The following RCN3 variants were observed in gnomAD, a reference collection of about 807,000 sequenced individuals.
RCN3 encodes reticulocalbin-3.
In RCN3, 41 loss-of-function variants were observed where a neutral mutation model predicts 35.9. The observed-to-expected ratio is 1.14, with a 90% CI of 0.89 to 1.48. The LOEUF (loss-of-function observed/expected upper bound fraction) is 1.48, where lower values mean the gene tolerates loss of function less well. Ranked by LOEUF, RCN3 falls within the 40% of genes most tolerant of loss-of-function variation. The pLI is 0.00. For synonymous variants in RCN3, 187 were observed against 193.4 expected (o/e 0.97, Z 0.27); for missense variants, 451 against 471.3 (o/e 0.96, Z 0.40).
intron 4 of RCN3, among the ~76,000 whole-genome samples, chr19:49,537,906 T>G (rs1360740859): frequency 6.6e-6 from 1 of 152,054 alleles, no homozygotes; most frequent in Non-Finnish European, 1.5e-5. Context: ...CCCAAAGTGC[T>G]GGGATTACAG....
chr19:49,539,718 A>ATTTTTTTTTTTTTTTTTTTTTTTT (rs58021494), intron 5 of RCN3, among the ~76,000 whole-genome samples: 6 of 119,202 alleles, frequency 5.0e-5, no homozygotes, highest in Non-Finnish European at 6.8e-5. Context: ...CTAACAAGGA[A>ATTTTTTTTTTTTTTTTTTTTTTTT]TTTTTTTTTT....
rs183147911 is a variant in RCN3, at chr19:49,532,134, C to T, written c.243-2059C>T. On this transcript the variant is annotated intron_variant, in intron 2 of 6. Coordinates refer to ENST00000270645, the MANE Select transcript of RCN3 (RefSeq NM_020650.3). Reference sequence around the variant, plus strand: ...TTTTTTTTTTTTTTTGAGACAGAGTCTCACTCTGTCATCCAGGCTGGAGTG... The same window carrying T: ...TTTTTTTTTTTTTTTGAGACAGAGTTTCACTCTGTCATCCAGGCTGGAGTG... Among the ~76,000 whole-genome samples the T allele has an allele frequency of 8.4e-3, 952 of 113,058 alleles. 15 individuals are homozygous for T. The highest frequency in any genetic ancestry group is 0.032 in the African/African-American group (897 of 28,200). The allele number at this position is 113,058 out of a possible 152,430, so 74.2% of individuals were successfully genotyped here.
intron 5 of RCN3, among the ~76,000 whole-genome samples, chr19:49,541,801 G>A (rs2080163942): frequency 6.6e-6 from 1 of 151,638 alleles, no homozygotes; most frequent in Non-Finnish European, 1.5e-5. Context: ...CCAAGATGGT[G>A]AAACCCCGCC....
At chr19:49,528,175 G>A (rs942887030) in intron 1 of RCN3, 117 bp downstream of exon 1, 12 of 366,954 alleles carry the variant, frequency 3.3e-5, no homozygotes, top group African/African-American at 2.1e-4. Flanking sequence ...CCACAACTAT[G>A]CCCTGCACCT....
chr19:49,537,969 CT>C (rs58208424), intron 4 of RCN3, among the ~76,000 whole-genome samples: 21,687 of 148,796 alleles, frequency 0.15, 2,244 homozygotes, highest in African/African-American at 0.28. Flanking sequence ...TAGAAGAAGG[CT>C]TTTTTTTTCT....
chr19:49,542,543 C>G lies in RCN3; in HGVS notation c.680-10C>G, dbSNP rs781442937. 1 of 1,573,274 alleles carries G rather than the reference C, an allele frequency of 6.4e-7. No individual in the cohort carries two copies. Among genetic ancestry groups the G allele is most frequent in the Non-Finnish European group, 8.6e-7 (1 of 1,159,408 alleles). On this transcript the variant is annotated splice_polypyrimidine_tract_variant and intron_variant, in intron 5 of 6. Coordinates refer to ENST00000270645, the MANE Select transcript of RCN3 (RefSeq NM_020650.3). ...GCCCCTGACCTTGTCCCCTCTGTCC[C>G]GGCCCCCAGCGGATCTGTACTCAGC...
chr19:49,541,919 G>T (rs2080164438), intron 5 of RCN3, among the ~76,000 whole-genome samples: 1 of 151,998 alleles, frequency 6.6e-6, no homozygotes, highest in Admixed American at 6.6e-5. Flanking sequence ...GGCAGAGGTT[G>T]CAGTGAGCTG....
rs541794197 is a variant in RCN3 at position 49,539,406 on chromosome 19, C to G, written c.679+227C>G. Among the ~76,000 whole-genome samples the G allele has an allele frequency of 2.6e-5, 4 of 152,260 alleles. No homozygotes were observed. In the South Asian group the frequency reaches 6.2e-4, roughly 24 times the overall value. ...TATTGAGCACCTGCTGTGTGTCACGCCCAGGATACACTTACTGAGCACCTA... is the reference window on the plus strand; with the variant it reads ...TATTGAGCACCTGCTGTGTGTCACGGCCAGGATACACTTACTGAGCACCTA... On this transcript the variant is annotated intron_variant, in intron 5 of 6. Transcript: ENST00000270645.
At chr19:49,530,054 C>A (rs2080100957) in intron 2 of RCN3, among the ~76,000 whole-genome samples, 1 of 151,868 alleles carries the variant, frequency 6.6e-6, no homozygotes, top group Non-Finnish European at 1.5e-5. Flanking sequence ...CGGGTTCAAC[C>A]AGTTGTTCTG....
At chr19:49,528,115 A>C in intron 1 of RCN3, 57 bp downstream of exon 1, 1 of 235,562 alleles carries the variant, frequency 4.2e-6, no homozygotes, top group Non-Finnish European at 8.1e-6. Context: ...GTCGAGGACC[A>C]GGGTCCGGAC....
intron 2 of RCN3, among the ~76,000 whole-genome samples, chr19:49,530,044 C>T (rs1287850888): frequency 2.0e-5 from 3 of 151,758 alleles, no homozygotes; most frequent in Admixed American, 6.6e-5. Flanking sequence ...CTCCGCCTCC[C>T]GGGTTCAACC....
intron 1 of RCN3, 199 bp downstream of exon 1, chr19:49,528,257 C>T: frequency 2.1e-6 from 1 of 485,888 alleles, no homozygotes; most frequent in Non-Finnish European, 3.6e-6. Context: ...GAGACTCCGT[C>T]AGAAGATTCG....
chr19:49,535,045 C>T (rs984950069), intron 3 of RCN3, among the ~76,000 whole-genome samples: 1 of 152,070 alleles, frequency 6.6e-6, no homozygotes, highest in Non-Finnish European at 1.5e-5. Flanking sequence ...GTCTGTCCTC[C>T]ACAGGGCTCC....
chr19:49,534,529 C>A, intron 3 of RCN3, 134 bp downstream of exon 3: 1 of 801,232 alleles, frequency 1.2e-6, no homozygotes, highest in Non-Finnish European at 1.9e-6. Context: ...CTTTTAGGAG[C>A]CCATAACTGT....
chr19:49,537,230 TC>T, intron 4 of RCN3, 25 bp downstream of exon 4: 1 of 1,473,330 alleles, frequency 6.8e-7, no homozygotes, highest in Non-Finnish European at 9.1e-7. Context: ...GGGAACCCTG[TC>T]CCCCACACCC....
intron 2 of RCN3, among the ~76,000 whole-genome samples, chr19:49,532,858 T>G (rs1195306728): frequency 1.3e-5 from 2 of 151,378 alleles, no homozygotes; most frequent in Non-Finnish European, 2.9e-5. Context: ...GTATTTTTAG[T>G]AGAGACAAGG....
chr19:49,535,586 T>C (rs1326688359), intron 3 of RCN3, among the ~76,000 whole-genome samples: 1 of 152,188 alleles, frequency 6.6e-6, no homozygotes, highest in Non-Finnish European at 1.5e-5. Flanking sequence ...GTGCCATGGC[T>C]CACGCCTGTA....
chr19:49,537,613 T>A (rs1031093843), intron 4 of RCN3, among the ~76,000 whole-genome samples: 2 of 151,162 alleles, frequency 1.3e-5, no homozygotes, highest in Non-Finnish European at 3.0e-5. Context: ...TTCAAGCAAT[T>A]CTCCTGCCTC....
At chr19:49,539,014 G>T in intron 4 of RCN3, 105 bp from the exon 5 acceptor site, 1 of 723,304 alleles carries the variant, frequency 1.4e-6, no homozygotes, top group Non-Finnish European at 2.2e-6. Flanking sequence ...ACAGCTGCCC[G>T]GAGCTAAATT....
Sources: allele counts gnomAD v4.1 joint callset (sites outside exome capture counted in the v4.1 genomes callset), GRCh38; gene constraint gnomAD v4.1.1; transcripts MANE v1.5; gene names NCBI Gene and HGNC (gene_info 2026-07-23, HGNC 2026-07-21).